COP1: variants seen among roughly 807,000 people sequenced by gnomAD.
COP1 encodes E3 ubiquitin-protein ligase COP1.
Under a neutral mutation model 101.3 loss-of-function variants are expected in COP1, and 24 were observed. That is an observed-to-expected ratio of 0.24 (90% CI 0.17 to 0.33). The LOEUF (loss-of-function observed/expected upper bound fraction) is 0.33. Among genes scored for constraint, COP1 ranks in the 10% least tolerant of loss-of-function variants. COP1 has a pLI of 1.00. For synonymous variants in COP1, 347 were observed against 341.9 expected, an observed-to-expected ratio of 1.01 and a Z score of -0.17; for missense variants, 663 against 906.2, an observed-to-expected ratio of 0.73 and a Z score of 3.45.
intron 9 of COP1, among the ~76,000 whole-genome samples, chr1:176,094,153 A>G (rs1390183629): frequency 6.6e-6 from 1 of 152,162 alleles, no homozygotes; most frequent in African/African-American, 2.4e-5. Flanking sequence ...GTAGTCAGCA[A>G]CACTGTTTTG....
At chr1:176,083,410 A>G (rs999184433) in intron 10 of COP1, among the ~76,000 whole-genome samples, 2 of 152,042 alleles carry the variant, frequency 1.3e-5, no homozygotes, top group Admixed American at 6.6e-5. Context: ...AACCATAAAG[A>G]AAACAATAAA....
intron 3 of COP1, among the ~76,000 whole-genome samples, chr1:176,165,390 GT>G (rs879728783): frequency 0.01 from 1,492 of 149,172 alleles, 15 homozygotes; most frequent in Admixed American, 0.017. Flanking sequence ...GTGTGTGTGT[GT>G]GTGTGTGTGT....
chr1:176,137,231 C>T (rs942457007), intron 6 of COP1, among the ~76,000 whole-genome samples: 1 of 152,152 alleles, frequency 6.6e-6, no homozygotes, highest in Non-Finnish European at 1.5e-5. Flanking sequence ...CACTAAAATG[C>T]AAACATTGTA....
chr1:176,046,095 A>G, intron 12 of COP1, 86 bp downstream of exon 12: 1 of 1,064,428 alleles, frequency 9.4e-7, no homozygotes, highest in Non-Finnish European at 1.4e-6. Flanking sequence ...AAAAAGTGTC[A>G]TGCAAAGGTA....
chr1:176,112,284 AT>A (rs1685431214), intron 9 of COP1, among the ~76,000 whole-genome samples: 1 of 150,460 alleles, frequency 6.6e-6, no homozygotes, highest in African/African-American at 2.4e-5. Flanking sequence ...TTTTTTTTAA[AT>A]CTTGATTCAA....
intron 9 of COP1, among the ~76,000 whole-genome samples, chr1:176,108,747 T>C (rs568063759): frequency 1.3e-5 from 2 of 152,258 alleles, no homozygotes; most frequent in African/African-American, 4.8e-5. Flanking sequence ...GTGAGCTGAA[T>C]GTGTGAATTT....
chr1:176,092,306 G>A (rs889472122), intron 9 of COP1, among the ~76,000 whole-genome samples: 1 of 151,992 alleles, frequency 6.6e-6, no homozygotes, highest in African/African-American at 2.4e-5. Context: ...ATATGTTACT[G>A]GATAATATGT....
At chr1:176,007,021 C>A (rs1383300941) in intron 15 of COP1, among the ~76,000 whole-genome samples, 1 of 152,036 alleles carries the variant, frequency 6.6e-6, no homozygotes, top group African/African-American at 2.4e-5. Flanking sequence ...CACATAGTCC[C>A]GTATTTCTTG....
chr1:176,133,935 C>G (rs1436078712), intron 8 of COP1: 1 of 438,802 alleles, frequency 2.3e-6, no homozygotes. Flanking sequence ...CCAAGTCATT[C>G]TCAAATGTTT....
At chr1:176,178,557 AAAGAT>A (rs1697287256) in intron 2 of COP1, among the ~76,000 whole-genome samples, 1 of 152,136 alleles carries the variant, frequency 6.6e-6, no homozygotes, top group African/African-American at 2.4e-5. Flanking sequence ...AAAGGTTATT[AAAGAT>A]AAGAGATGGC....
intron 14 of COP1, among the ~76,000 whole-genome samples, chr1:176,032,375 T>C (rs1052020973): frequency 6.6e-6 from 1 of 152,176 alleles, no homozygotes; most frequent in African/African-American, 2.4e-5. Flanking sequence ...CTTAAAAACT[T>C]TGTCAAAGGG....
At chr1:176,046,417 T>A in intron 11 of COP1, 93 bp from the exon 12 acceptor site, 1 of 1,148,656 alleles carries the variant, frequency 8.7e-7, no homozygotes, top group Non-Finnish European at 1.2e-6. Flanking sequence ...AGATCTACTT[T>A]AAATACCTTC....
At chr1:175,993,463 T>C (rs997524252) in intron 15 of COP1, among the ~76,000 whole-genome samples, 3 of 152,094 alleles carry the variant, frequency 2.0e-5, no homozygotes, top group Non-Finnish European at 2.9e-5. Context: ...AGGAGGAAAC[T>C]TAAACCAAAG....
At chr1:175,995,402 G>A (rs1013388576) in intron 15 of COP1, among the ~76,000 whole-genome samples, 3 of 151,974 alleles carry the variant, frequency 2.0e-5, no homozygotes, top group African/African-American at 7.3e-5. Context: ...AATCAGAGCA[G>A]AACTGAAGGA....
chr1:176,065,208 A>G (rs1349063926), intron 11 of COP1, among the ~76,000 whole-genome samples: 1 of 152,226 alleles, frequency 6.6e-6, no homozygotes, highest in African/African-American at 2.4e-5. Flanking sequence ...AAATCTGTTT[A>G]GGTCAAGTGT....
chr1:176,163,030 G>A, intron 4 of COP1, 42 bp from the exon 5 acceptor site: 2 of 1,575,746 alleles, frequency 1.3e-6, no homozygotes, highest in Non-Finnish European at 1.7e-6. Flanking sequence ...TTCCTATGAA[G>A]ACTGTTTTAG....
intron 3 of COP1, among the ~76,000 whole-genome samples, chr1:176,169,874 C>T (rs545754082): frequency 1.3e-5 from 2 of 152,226 alleles, no homozygotes; most frequent in Non-Finnish European, 2.9e-5. Flanking sequence ...AGTAGAATTT[C>T]TTTCAAAGTT....
At chr1:175,945,276 C>T (rs937907935) in intron 19 of COP1, 106 bp from the exon 20 acceptor site, 26 of 776,544 alleles carry the variant, frequency 3.3e-5, no homozygotes, top group Admixed American at 2.9e-4. Flanking sequence ...ATTTAAAAAA[C>T]GTTTCCCAAC....
chr1:175,948,176 A>G (rs1228418179), intron 18 of COP1, among the ~76,000 whole-genome samples: 1 of 152,232 alleles, frequency 6.6e-6, no homozygotes, highest in Non-Finnish European at 1.5e-5. Flanking sequence ...ATTTCTCTGG[A>G]AAGTAGGAAG....
Sources: allele counts gnomAD v4.1 joint callset (sites outside exome capture counted in the v4.1 genomes callset), GRCh38; gene constraint gnomAD v4.1.1; transcripts MANE v1.5; gene names NCBI Gene and HGNC (gene_info 2026-07-23, HGNC 2026-07-21).